SLC43A3: variants seen among roughly 807,000 people sequenced by gnomAD.
SLC43A3 encodes equilibrative nucleobase transporter 1.
SLC43A3 carries 33 observed loss-of-function variants against 53.3 expected under a neutral mutation model. The observed-to-expected ratio is 0.62, with a 90% CI of 0.47 to 0.83. The LOEUF (loss-of-function observed/expected upper bound fraction) is 0.83. Ranked by LOEUF, SLC43A3 falls within the 40% of genes least tolerant of loss-of-function variation. The probability of loss-of-function intolerance (pLI) is 0.00; values close to 1 mark genes in which losing one functional copy is unlikely to be tolerated. For missense variants in SLC43A3, 530 were observed against 610.0 expected, an observed-to-expected ratio of 0.87 and a Z score of 1.38; for synonymous variants, 236 against 246.2, an observed-to-expected ratio of 0.96 and a Z score of 0.39.
At chr11:57,413,692 C>T (rs1022750335) in intron 11 of SLC43A3, among the ~76,000 whole-genome samples, 65 of 152,132 alleles carry the variant, frequency 4.3e-4, no homozygotes, top group African/African-American at 1.2e-3. Flanking sequence ...AGGATCAGGC[C>T]AAAACTCCCT....
rs888791899 is a variant in SLC43A3, at chr11:57,425,448, G to A, written c.314+93C>T. ...AGGTGTGGTGCCTGGCAGGGTGGCCGGGCTGTCTGACTCTGGATTTCACTC... is the reference window on the plus strand; with the variant it reads ...AGGTGTGGTGCCTGGCAGGGTGGCCAGGCTGTCTGACTCTGGATTTCACTC... On this transcript the variant is annotated intron_variant, in intron 4 of 13. Coordinates refer to ENST00000395124, the MANE Select transcript of SLC43A3 (RefSeq NM_199329.3). The A allele has an allele frequency of 1.4e-5, 19 of 1,374,458 alleles. No individual in the cohort carries two copies. The East Asian group carries it at 2.1e-4, about 15-fold the overall frequency. The allele number at this position is 1,374,458 out of a possible 1,614,324, so 85.1% of individuals were successfully genotyped here. A position where few individuals can be genotyped will look rare whatever the true frequency, so the allele number is the denominator to read the frequency against.
chr11:57,417,811 C>T lies in SLC43A3; in HGVS notation c.608G>A (p.Arg203His), dbSNP rs188327992. Residue 203 changes from arginine to histidine, a missense_variant, in exon 8 of 14, where the codon CGC becomes CAC. This residue lies in a region of SLC43A3 where 376 missense variants were observed against 386.7 expected (regional missense o/e 0.97). Coordinates refer to ENST00000395124, the MANE Select transcript of SLC43A3 (RefSeq NM_199329.3). ...ISVCSTWHVA[R>H]TFLLMPRGHI... ...CCCCCGGGGCATCAGGAGGAAAGTG[C>T]GTGCTACATGCCAGGTACTGCAGAC... The T allele has an allele frequency of 2.0e-4, 321 of 1,614,114 alleles. No homozygotes were observed. The highest frequency in any genetic ancestry group is 6.5e-4 in the Admixed American group (39 of 60,026).
Position 57,414,653 on chromosome 11 carries a change from C to T in SLC43A3, c.1022G>A (p.Arg341Gln), listed in dbSNP as rs541432684. ...TTCCTTCTGGTACTTCTGTTTAAGC[C>T]GGTCCATGAGCAGGCCATTCCAGGG... is the stretch of plus-strand genomic sequence containing the variant. ...CAPWNGLLMDRLKQKYQKEAR... is the reference protein window; with the variant it reads ...CAPWNGLLMDQLKQKYQKEAR... The change falls in exon 11 of 14, where the codon CGG becomes CAG. Residue 341 changes from arginine to glutamine, a missense_variant. Arg to Gln is a conservative substitution (Grantham distance 43, BLOSUM62 1). Transcript: ENST00000395124. 2.5e-6 allele frequency: 4 copies of T among 1,614,002 alleles called. No individual in the cohort carries two copies. The Admixed American group carries it at 5.0e-5, about 20-fold the overall frequency.
chr11:57,414,503 T>C lies in SLC43A3; in HGVS notation c.1060+112A>G. ...GCCTGGGCAACAGAGTAAGACTCTA[T>C]CACAAAAAAAAAAAAAAAAAAAAAA... is the stretch of plus-strand genomic sequence containing the variant. On this transcript the variant is annotated intron_variant, in intron 11 of 13. Coordinates refer to ENST00000395124, the MANE Select transcript of SLC43A3 (RefSeq NM_199329.3). 19 of 540,722 alleles carry C rather than the reference T, an allele frequency of 3.5e-5. No homozygotes were observed. The South Asian group carries it at 3.6e-4, about 10-fold the overall frequency. The allele number at this position is 540,722 out of a possible 1,614,324, so 33.5% of individuals were successfully genotyped here.
At position 57,415,026 on chromosome 11, in the gene SLC43A3, C is replaced by G; in HGVS notation, c.850G>C (p.Val284Leu). The G allele has an allele frequency of 1.2e-6, 2 of 1,614,184 alleles. No homozygotes were observed. The highest frequency in any genetic ancestry group is 1.7e-6 in the Non-Finnish European group (2 of 1,180,028). Residue 284 changes from valine (V) to leucine (L), a missense_variant, in exon 10 of 14, where the codon GTG becomes CTG. Val to Leu is a conservative substitution (Grantham distance 32, BLOSUM62 1). This residue lies in a region of SLC43A3 where 376 missense variants were observed against 386.7 expected (regional missense o/e 0.97). Transcript: ENST00000395124. ...CACAACTGTATCACAGACAGCCACA[C>G]CAGGTGCCAGGCAAAGCGCCGAGAG... ...AFSRRFAWHL[V>L]WLSVIQLWHY...
intron 11 of SLC43A3, among the ~76,000 whole-genome samples, chr11:57,411,306 T>C (rs555080332): frequency 9.2e-5 from 14 of 151,506 alleles, no homozygotes; most frequent in Non-Finnish European, 1.9e-4. Flanking sequence ...TAAAATGAAA[T>C]CAATGAACAT....
chr11:57,424,188 C>G (rs750300880), intron 4 of SLC43A3, 160 bp from the exon 5 acceptor site: 23 of 698,670 alleles, frequency 3.3e-5, no homozygotes, highest in Non-Finnish European at 5.8e-5. Context: ...GGCTCAAAAC[C>G]AGGCGCAAGA....
rs769133329 is a variant in SLC43A3, at chr11:57,425,622, G to A, written c.233C>T (p.Ser78Phe). ...GAATGTCATGAAGTTGTTCATGAAG[G>A]ACCCCAGGGTGAAGATGAGTGAGAA... is the stretch of plus-strand genomic sequence containing the variant. ...ERFSLIFTLG[S>F]FMNNFMTFPT... Residue 78 changes from serine to phenylalanine, a missense_variant, in exon 4 of 14, where the codon TCC (serine) becomes TTC (phenylalanine). By Grantham distance (155) the Ser-to-Phe change is radical. Coordinates refer to ENST00000395124, the MANE Select transcript of SLC43A3 (RefSeq NM_199329.3). 9 of 1,614,150 alleles carry A rather than the reference G, an allele frequency of 5.6e-6. No individual in the cohort carries two copies. The South Asian group carries it at 7.7e-5, about 14-fold the overall frequency.
At chr11:57,421,270 G>T in intron 6 of SLC43A3, 27 bp downstream of exon 6, 1 of 1,580,304 alleles carries the variant, frequency 6.3e-7, no homozygotes, top group Non-Finnish European at 8.7e-7. Context: ...ACCCTGCCGA[G>T]TGCCTGGGAT....
In SLC43A3 at chr11:57,409,261, C is replaced by A; in HGVS notation, c.1285G>T (p.Val429Leu). 2 of 1,614,210 alleles carry A rather than the reference C, an allele frequency of 1.2e-6. No homozygotes were observed. The highest frequency in any genetic ancestry group is 1.7e-6 in the Non-Finnish European group (2 of 1,180,032). Residue 429 changes from valine to leucine, a missense_variant, in exon 13 of 14, where the codon GTG (valine) becomes TTG (leucine). This residue lies in a region of SLC43A3 where 124 missense variants were observed against 166.4 expected (regional missense o/e 0.75). Transcript: ENST00000395124. ...GACACCACAGCCGACAAGGCCATCACCAGCCCAAAGAGCTTGCCAAAGTGC... is the reference window on the plus strand; with the variant it reads ...GACACCACAGCCGACAAGGCCATCAACAGCCCAAAGAGCTTGCCAAAGTGC... ...SEHFGKLFGL[V>L]MALSAVVSLL...
intron 4 of SLC43A3, among the ~76,000 whole-genome samples, chr11:57,424,807 T>C (rs1565103169): frequency 1.3e-5 from 2 of 152,034 alleles, no homozygotes; most frequent in African/African-American, 2.4e-5. Flanking sequence ...AGCCCTCCCG[T>C]CTCTCTCTCT....
rs1009208007 is a variant in SLC43A3, at chr11:57,427,081, G to T, written c.-265C>A. ...CCCTACCCGCCTGCTCCGCGCCGGG[G>T]CTCTCCGCGCCCTTTCCGCACGGGC... is the stretch of plus-strand genomic sequence containing the variant. On this transcript the variant is annotated 5_prime_UTR_variant, in exon 1 of 14. Transcript: ENST00000395124. 1 of 150,244 alleles carries T rather than the reference G, an allele frequency of 6.7e-6. No individual in the cohort carries two copies. Among genetic ancestry groups the T allele is most frequent in the Non-Finnish European group, 1.5e-5 (1 of 68,230 alleles). The allele number at this position is 150,244 out of a possible 1,614,324, so 9.3% of individuals were successfully genotyped here. A position where few individuals can be genotyped will look rare whatever the true frequency, so the allele number is the denominator to read the frequency against.
chr11:57,414,591 C>A (rs373710995), intron 11 of SLC43A3, 24 bp downstream of exon 11: 1 of 1,434,190 alleles, frequency 7.0e-7, no homozygotes, highest in Middle Eastern at 1.7e-4. Context: ...CCCTGACCAG[C>A]CCCTGCCCTC....
In SLC43A3 at chr11:57,409,943, G is replaced by A. The variant is rs768342392; in HGVS notation, c.1239C>T (p.Leu413=). The A allele has an allele frequency of 1.2e-6, 2 of 1,611,134 alleles. No homozygotes were observed. The highest frequency in any genetic ancestry group is 1.7e-6 in the Non-Finnish European group (2 of 1,178,822). The stretch of plus-strand genomic sequence containing the variant: ...GCCCCAAGGCCACTTACGCAAGGGT[G>A]AGGAAGGCCGCGTTGCTCCCATAGA... ...SFLYGSNAAF[L]TLAFPSEHFG... The change falls in exon 12 of 14, where the codon CTC becomes CTT. Residue 413 remains leucine (L), a synonymous_variant. Coordinates refer to ENST00000395124, the MANE Select transcript of SLC43A3 (RefSeq NM_199329.3).
intron 8 of SLC43A3, among the ~76,000 whole-genome samples, chr11:57,416,979 A>G (rs1229283354): frequency 6.6e-6 from 1 of 152,226 alleles, no homozygotes; most frequent in Non-Finnish European, 1.5e-5. Flanking sequence ...AGCAACAGAA[A>G]GATGGCTCAG....
intron 4 of SLC43A3, among the ~76,000 whole-genome samples, chr11:57,424,500 T>C (rs988937945): frequency 6.6e-6 from 1 of 152,172 alleles, no homozygotes; most frequent in Non-Finnish European, 1.5e-5. Context: ...CAGGAGCCTT[T>C]TCTATAAAAA....
chr11:57,419,258 G>A (rs1590700156), intron 7 of SLC43A3, among the ~76,000 whole-genome samples: 1 of 152,294 alleles, frequency 6.6e-6, no homozygotes, highest in Middle Eastern at 3.4e-3. Flanking sequence ...TGGGGAGCTT[G>A]CCAGTCATCT....
chr11:57,420,778 T>G (rs1942947850), intron 7 of SLC43A3, among the ~76,000 whole-genome samples, 194 bp downstream of exon 7: 1 of 152,204 alleles, frequency 6.6e-6, no homozygotes, highest in Non-Finnish European at 1.5e-5. Flanking sequence ...GGGTTCAAGT[T>G]CCAGTATCAT....
At chr11:57,415,572 G>A (rs568855285) in intron 9 of SLC43A3, among the ~76,000 whole-genome samples, 1 of 152,080 alleles carries the variant, frequency 6.6e-6, no homozygotes, top group Admixed American at 6.6e-5. Context: ...TCATGGTCCA[G>A]ATGGGACCAT....
Sources: gnomAD v4.1 joint callset for allele counts (sites outside exome capture counted in the v4.1 genomes callset) on GRCh38, gnomAD v4.1.1 for gene constraint, gnomAD v4.1.1 regional missense constraint, MANE v1.5 for transcripts, NCBI Gene and HGNC (gene_info 2026-07-23, HGNC 2026-07-21) for gene names.